HDAC4: variants seen among roughly 807,000 people sequenced by gnomAD.
HDAC4 encodes the protein histone deacetylase 4, also known as histone deacetylase A.
HDAC4 carries 16 observed loss-of-function variants against 135.1 expected under a neutral mutation model. The observed-to-expected ratio is 0.12, with a 90% CI of 0.08 to 0.18. The LOEUF (loss-of-function observed/expected upper bound fraction) is 0.18. HDAC4 is among the 10% of genes least tolerant of loss of function. The pLI, the probability that HDAC4 is intolerant of heterozygous loss-of-function variation, is 1.00. For synonymous variants in HDAC4, 685 were observed against 653.4 expected (o/e 1.05, Z -0.74); for missense variants, 1,143 against 1,511.8 (o/e 0.76, Z 4.05).
chr2:239,328,050 T>C (rs2053521412), intron 2 of HDAC4, among the ~76,000 whole-genome samples: 1 of 152,218 alleles, frequency 6.6e-6, no homozygotes, highest in Non-Finnish European at 1.5e-5. Context: ...GTCCCCGCCC[T>C]GAGCAATGTA....
chr2:239,081,431 C>T (rs1407673772), intron 21 of HDAC4, among the ~76,000 whole-genome samples: 1 of 152,244 alleles, frequency 6.6e-6, no homozygotes, highest in Non-Finnish European at 1.5e-5. Flanking sequence ...CTCTCGCCGA[C>T]CCTGCCCTTG....
At chr2:239,295,607 A>G (rs1048229131) in intron 2 of HDAC4, among the ~76,000 whole-genome samples, 2 of 152,178 alleles carry the variant, frequency 1.3e-5, no homozygotes, top group Non-Finnish European at 2.9e-5. Context: ...TAAAGGAGAA[A>G]GCTCTTGGCA....
At chr2:239,385,170 G>T (rs990672084) in intron 1 of HDAC4, among the ~76,000 whole-genome samples, 4 of 152,188 alleles carry the variant, frequency 2.6e-5, no homozygotes, top group Non-Finnish European at 5.9e-5. Flanking sequence ...ACTGCTTTGC[G>T]TGGAGGCCCT....
chr2:239,264,678 T>C (rs2049604548), intron 2 of HDAC4, among the ~76,000 whole-genome samples: 1 of 152,156 alleles, frequency 6.6e-6, no homozygotes, highest in African/African-American at 2.4e-5. Flanking sequence ...TAGATCAGCC[T>C]TCCTGGGTAG....
At chr2:239,076,086 G>A (rs545697332) in intron 22 of HDAC4, among the ~76,000 whole-genome samples, 2 of 152,002 alleles carry the variant, frequency 1.3e-5, no homozygotes, top group South Asian at 4.2e-4. Flanking sequence ...GCGGGTGCCA[G>A]CCACTCCCCT....
chr2:239,073,266 C>A (rs1207941486), intron 22 of HDAC4, among the ~76,000 whole-genome samples: 1 of 152,246 alleles, frequency 6.6e-6, no homozygotes, highest in Non-Finnish European at 1.5e-5. Context: ...CCTAGACCTG[C>A]CTCTGCGGCA....
intron 2 of HDAC4, among the ~76,000 whole-genome samples, chr2:239,330,835 G>A (rs955414607): frequency 5.3e-5 from 8 of 152,106 alleles, no homozygotes; most frequent in African/African-American, 1.2e-4. Flanking sequence ...ACTTTTAAAC[G>A]TAGTATACTA....
At chr2:239,057,173 G>A (rs552376020) in intron 24 of HDAC4, among the ~76,000 whole-genome samples, 2 of 152,156 alleles carry the variant, frequency 1.3e-5, no homozygotes, top group East Asian at 1.9e-4. Flanking sequence ...TTTCTGAGGG[G>A]GGATATGAGG....
At chr2:239,099,586 G>C (rs1256983522) in intron 16 of HDAC4, among the ~76,000 whole-genome samples, 2 of 152,162 alleles carry the variant, frequency 1.3e-5, no homozygotes, top group Non-Finnish European at 2.9e-5. Flanking sequence ...TCAGTGCCTC[G>C]ATGCATGGCC....
chr2:239,102,985 C>A (rs2152766255), intron 15 of HDAC4, 89 bp from the exon 16 acceptor site: 2 of 1,526,870 alleles, frequency 1.3e-6, no homozygotes, highest in Non-Finnish European at 1.8e-6. Flanking sequence ...AAACCATTGC[C>A]CAAAAGGAAA....
chr2:239,223,207 G>A (rs291330), intron 3 of HDAC4, among the ~76,000 whole-genome samples: 82,969 of 152,052 alleles, frequency 0.55, 24,811 homozygotes, highest in South Asian at 0.78. Context: ...CAGCTGGGCC[G>A]AAGTAGGAAC....
intron 24 of HDAC4, among the ~76,000 whole-genome samples, chr2:239,062,825 G>A (rs1043174451): frequency 2.0e-5 from 3 of 152,210 alleles, no homozygotes; most frequent in Admixed American, 6.5e-5. Flanking sequence ...TGTGATTTAT[G>A]TTAACATGAA....
intron 18 of HDAC4, 95 bp from the exon 19 acceptor site, chr2:239,087,709 G>C: frequency 8.6e-7 from 1 of 1,160,736 alleles, no homozygotes; most frequent in Non-Finnish European, 1.3e-6. Context: ...AGCAGAGTTG[G>C]GCTACACAGG....
intron 7 of HDAC4, among the ~76,000 whole-genome samples, chr2:239,156,155 C>A (rs2042410260): frequency 6.6e-6 from 1 of 152,336 alleles, no homozygotes; most frequent in South Asian, 2.1e-4. Context: ...AACTCTGAGC[C>A]CAGCTGGGAT....
chr2:239,179,744 C>T (rs143521363), intron 4 of HDAC4, among the ~76,000 whole-genome samples: 3 of 152,324 alleles, frequency 2.0e-5, no homozygotes, highest in Admixed American at 6.5e-5. Context: ...GAGGCAACCC[C>T]GACAGAGTAG....
chr2:239,132,984 G>A (rs1277023291), intron 11 of HDAC4, among the ~76,000 whole-genome samples: 3 of 152,136 alleles, frequency 2.0e-5, no homozygotes, highest in African/African-American at 7.2e-5. Context: ...CACTGTGGCC[G>A]CAGCTCAGAG....
intron 2 of HDAC4, among the ~76,000 whole-genome samples, chr2:239,261,373 C>CTGA (rs2049355484): frequency 6.6e-6 from 1 of 152,216 alleles, no homozygotes; most frequent in Non-Finnish European, 1.5e-5. Context: ...CCAGCAGCTG[C>CTGA]CGTGTGCTGA....
intron 11 of HDAC4, among the ~76,000 whole-genome samples, chr2:239,132,270 G>A (rs12469994): frequency 0.27 from 41,202 of 152,146 alleles, 6,616 homozygotes; most frequent in East Asian, 0.71. Flanking sequence ...GAGCATAAGC[G>A]GCTTCCCAGG....
chr2:239,298,069 C>T, intron 2 of HDAC4: 2 of 559,662 alleles, frequency 3.6e-6, no homozygotes, highest in South Asian at 3.0e-5. Context: ...ACCTGTGTGT[C>T]ATGGGTCTTT....
Sources: gnomAD v4.1 joint callset for allele counts (sites outside exome capture counted in the v4.1 genomes callset) on GRCh38, gnomAD v4.1.1 for gene constraint, MANE v1.5 for transcripts, NCBI Gene and HGNC (gene_info 2026-07-23, HGNC 2026-07-21) for gene names.